Variants in FHIT observed in about 807,000 individuals in gnomAD.
The protein encoded by FHIT is fragile histidine triad diadenosine triphosphatase.
In FHIT, 19 loss-of-function variants were observed where a neutral mutation model predicts 17.9. The ratio of observed to expected loss-of-function variants is 1.06; its 90% CI spans 0.74 to 1.56. The LOEUF is 1.56. FHIT is among the 40% of genes most tolerant of loss of function. The probability of loss-of-function intolerance (pLI) is 0.00; values close to 1 mark genes in which losing one functional copy is unlikely to be tolerated. For missense variants in FHIT, 248 were observed against 189.2 expected, an observed-to-expected ratio of 1.31 and a Z score of -1.82; for synonymous variants, 81 against 69.7, an observed-to-expected ratio of 1.16 and a Z score of -0.81.
At chr3:60,506,012 T>C (rs1462765425) in intron 5 of FHIT, among the ~76,000 whole-genome samples, 3 of 152,218 alleles carry the variant, frequency 2.0e-5, no homozygotes, top group Non-Finnish European at 4.4e-5. Context: ...ACTCCTCATT[T>C]TGTGGCAATT....
chr3:60,904,838 G>C (rs979973481), intron 3 of FHIT, among the ~76,000 whole-genome samples: 1 of 151,598 alleles, frequency 6.6e-6, no homozygotes, highest in Non-Finnish European at 1.5e-5. Context: ...TACTCAGGAG[G>C]CTGAGGCAGA....
At chr3:59,882,301 C>T (rs73100651) in intron 8 of FHIT, among the ~76,000 whole-genome samples, 7,399 of 152,102 alleles carry the variant, frequency 0.049, 236 homozygotes, top group African/African-American at 0.096. Context: ...GTTTATGAAA[C>T]AAATTTCAGG....
chr3:60,323,069 CCTACTTCCAA>C (rs1168989160), intron 5 of FHIT, among the ~76,000 whole-genome samples: 8 of 152,050 alleles, frequency 5.3e-5, no homozygotes, highest in African/African-American at 1.9e-4. Flanking sequence ...CACCCTTTCT[CCTACTTCCAA>C]CTTCCTGCAA....
intron 5 of FHIT, among the ~76,000 whole-genome samples, chr3:60,182,413 C>T (rs976665013): frequency 6.6e-6 from 1 of 152,278 alleles, no homozygotes; most frequent in African/African-American, 2.4e-5. Flanking sequence ...GCAGCAGACG[C>T]TCTCCTTCAT....
chr3:60,510,204 G>T (rs117089872), intron 5 of FHIT, among the ~76,000 whole-genome samples: 79 of 152,310 alleles, frequency 5.2e-4, no homozygotes, highest in Non-Finnish European at 4.9e-4. Context: ...CCATCTTGGC[G>T]AGTGGGGAAA....
intron 3 of FHIT, among the ~76,000 whole-genome samples, chr3:60,943,348 T>C (rs782776893): frequency 1.1e-4 from 17 of 152,188 alleles, no homozygotes; most frequent in Non-Finnish European, 1.6e-4. Flanking sequence ...CTTTTATCAT[T>C]AAATAATAAC....
chr3:59,873,576 C>T (rs112307935), intron 8 of FHIT, among the ~76,000 whole-genome samples: 2,301 of 152,292 alleles, frequency 0.015, 24 homozygotes, highest in South Asian at 0.021. Context: ...TTGAGCCAGA[C>T]AATTCTTTAT....
chr3:60,206,961 T>C (rs1703221815), intron 5 of FHIT, among the ~76,000 whole-genome samples: 2 of 152,126 alleles, frequency 1.3e-5, no homozygotes, highest in African/African-American at 4.8e-5. Flanking sequence ...AATAGATACC[T>C]CCCACTAGAC....
At chr3:60,964,906 G>A (rs1344129533) in intron 3 of FHIT, among the ~76,000 whole-genome samples, 2 of 152,100 alleles carry the variant, frequency 1.3e-5, no homozygotes, top group Non-Finnish European at 2.9e-5. Flanking sequence ...ACAATTATGT[G>A]TCTTGGAGTT....
intron 8 of FHIT, among the ~76,000 whole-genome samples, chr3:59,880,590 T>G (rs986496690): frequency 5.9e-5 from 9 of 152,198 alleles, no homozygotes; most frequent in Admixed American, 2.6e-4. Context: ...ACTCAATTTC[T>G]ATGTGCCTCA....
At chr3:60,410,314 T>G (rs553044434) in intron 5 of FHIT, among the ~76,000 whole-genome samples, 2 of 152,100 alleles carry the variant, frequency 1.3e-5, no homozygotes, top group South Asian at 4.2e-4. Context: ...TCTCCGGAGT[T>G]AAGGGTACTA....
At chr3:60,267,936 C>T (rs181007764) in intron 5 of FHIT, among the ~76,000 whole-genome samples, 1 of 152,272 alleles carries the variant, frequency 6.6e-6, no homozygotes, top group East Asian at 1.9e-4. Flanking sequence ...AAGTGCTAAA[C>T]TATAAATATT....
At chr3:60,565,566 AAATG>A (rs2037104553) in intron 4 of FHIT, among the ~76,000 whole-genome samples, 2 of 152,246 alleles carry the variant, frequency 1.3e-5, no homozygotes, top group African/African-American at 4.8e-5. Context: ...TTACACAACA[AAATG>A]AATACTCAGA....
chr3:61,033,150 G>A (rs888151367), intron 3 of FHIT, among the ~76,000 whole-genome samples: 1 of 152,246 alleles, frequency 6.6e-6, no homozygotes, highest in Middle Eastern at 3.4e-3. Context: ...AAACACCCTC[G>A]CAGACACACC....
At chr3:61,041,793 C>A (rs368657536) in intron 3 of FHIT, among the ~76,000 whole-genome samples, 3 of 151,620 alleles carry the variant, frequency 2.0e-5, no homozygotes, top group African/African-American at 2.4e-5. Context: ...ATGTTATGAA[C>A]CAGAACAATA....
intron 3 of FHIT, among the ~76,000 whole-genome samples, chr3:60,876,629 G>A (rs1243678766): frequency 6.6e-6 from 1 of 152,120 alleles, no homozygotes; most frequent in African/African-American, 2.4e-5. Context: ...TATTTAAGTA[G>A]ACATTATTCT....
chr3:61,132,069 T>C (rs1326055696), intron 2 of FHIT, among the ~76,000 whole-genome samples: 1 of 152,236 alleles, frequency 6.6e-6, no homozygotes, highest in Non-Finnish European at 1.5e-5. Context: ...AAGGCCAATA[T>C]AATGCTTTCA....
At chr3:60,055,446 T>TCC in intron 5 of FHIT, among the ~76,000 whole-genome samples, 1 of 118,970 alleles carries the variant, frequency 8.4e-6, no homozygotes, top group East Asian at 2.1e-4. Flanking sequence ...GTGATGGACT[T>TCC]TCTTTTTTTT....
chr3:60,429,193 A>G (rs1254369459), intron 5 of FHIT, among the ~76,000 whole-genome samples: 1 of 152,064 alleles, frequency 6.6e-6, no homozygotes, highest in African/African-American at 2.4e-5. Context: ...CTAGTTTATG[A>G]AAAATAAACC....
Sources: gnomAD v4.1 joint callset for allele counts (sites outside exome capture counted in the v4.1 genomes callset) on GRCh38, gnomAD v4.1.1 for gene constraint, MANE v1.5 for transcripts, NCBI Gene and HGNC (gene_info 2026-07-23, HGNC 2026-07-21) for gene names.